Variants in GRAMD2B observed in about 807,000 individuals in gnomAD.
GRAMD2B encodes the protein GRAM domain-containing protein 2B.
In GRAMD2B, 41 loss-of-function variants were observed where a neutral mutation model predicts 59.2. The observed-to-expected ratio is 0.69, with a 90% CI of 0.54 to 0.90. The LOEUF is 0.90. Ranked by LOEUF, GRAMD2B falls within the 40% of genes least tolerant of loss-of-function variation. GRAMD2B has a pLI of 0.00. For missense variants in GRAMD2B, 424 were observed against 500.5 expected, an observed-to-expected ratio of 0.85 and a Z score of 1.46; for synonymous variants, 161 against 182.7, an observed-to-expected ratio of 0.88 and a Z score of 0.96.
chr5:126,428,414 G>A (rs373479331), intron 1 of GRAMD2B, among the ~76,000 whole-genome samples: 5 of 152,122 alleles, frequency 3.3e-5, no homozygotes, highest in African/African-American at 1.2e-4. Context: ...CAATAGAGGA[G>A]TTTTTAAAAA....
At chr5:126,381,132 G>A (rs1242173168) in intron 1 of GRAMD2B, among the ~76,000 whole-genome samples, 1 of 152,096 alleles carries the variant, frequency 6.6e-6, no homozygotes, top group Non-Finnish European at 1.5e-5. Flanking sequence ...TTTGTCAAAT[G>A]CTTTTTCTGC....
chr5:126,380,286 A>G (rs1755554075), intron 1 of GRAMD2B, among the ~76,000 whole-genome samples: 2 of 152,182 alleles, frequency 1.3e-5, no homozygotes, highest in Admixed American at 6.5e-5. Flanking sequence ...TTATACCAGT[A>G]CCATGCTGTT....
chr5:126,463,074 G>C (rs184435825), intron 1 of GRAMD2B, among the ~76,000 whole-genome samples: 1 of 152,326 alleles, frequency 6.6e-6, no homozygotes, highest in East Asian at 1.9e-4. Flanking sequence ...AGATGGGTCA[G>C]GGTCAAAGAG....
intron 1 of GRAMD2B, chr5:126,371,645 G>A: frequency 8.7e-7 from 1 of 1,153,718 alleles, no homozygotes; most frequent in Non-Finnish European, 1.1e-6. Context: ...CCCTTGGAGA[G>A]CTCCTTTTTC....
At chr5:126,449,285 C>A (rs1764897429) in intron 1 of GRAMD2B, among the ~76,000 whole-genome samples, 1 of 152,158 alleles carries the variant, frequency 6.6e-6, no homozygotes, top group African/African-American at 2.4e-5. Context: ...ATTTTAACAG[C>A]AGTGAGGAGC....
intron 2 of GRAMD2B, chr5:126,466,319 C>T: frequency 4.9e-6 from 7 of 1,440,348 alleles, no homozygotes; most frequent in South Asian, 3.7e-5. Flanking sequence ...CAAATCTATG[C>T]TTCATTCAGG....
chr5:126,465,933 G>T (rs1281283211), intron 2 of GRAMD2B, among the ~76,000 whole-genome samples: 1 of 152,160 alleles, frequency 6.6e-6, no homozygotes, highest in Non-Finnish European at 1.5e-5. Context: ...CCCCATCCCG[G>T]GGACCCACCA....
rs1452905351 is a variant in GRAMD2B at position 126,469,666 on chromosome 5, T to A, written c.204-11T>A. ...ATTATCTTATAGACACCCTGGACTTTCTTTCTTTAGGTCAAAATCCAGTTT... is the reference window on the plus strand; with the variant it reads ...ATTATCTTATAGACACCCTGGACTTACTTTCTTTAGGTCAAAATCCAGTTT... On this transcript the variant is annotated splice_polypyrimidine_tract_variant and intron_variant, in intron 2 of 13. Transcript: ENST00000285689. The A allele has an allele frequency of 3.1e-6, 5 of 1,592,020 alleles. No homozygotes were observed. Among genetic ancestry groups the A allele is most frequent in the Non-Finnish European group, 3.4e-6 (4 of 1,161,712 alleles).
intron 1 of GRAMD2B, among the ~76,000 whole-genome samples, chr5:126,443,866 A>G (rs769733282): frequency 1.3e-5 from 2 of 152,154 alleles, no homozygotes; most frequent in Non-Finnish European, 2.9e-5. Flanking sequence ...CCTGGCCAAC[A>G]TAGTGAAACG....
chr5:126,450,232 G>A (rs113761027), intron 1 of GRAMD2B, among the ~76,000 whole-genome samples: 51 of 152,152 alleles, frequency 3.4e-4, no homozygotes, highest in African/African-American at 1.1e-3. Context: ...GGGTGGAGAG[G>A]GGTGCCTCAA....
intron 1 of GRAMD2B, among the ~76,000 whole-genome samples, chr5:126,381,676 G>T (rs1309769021): frequency 3.3e-5 from 5 of 151,972 alleles, no homozygotes; most frequent in African/African-American, 1.2e-4. Context: ...GAGCATTTAG[G>T]CCATTTACAT....
At chr5:126,432,290 G>C (rs1378139640) in intron 1 of GRAMD2B, among the ~76,000 whole-genome samples, 1 of 152,148 alleles carries the variant, frequency 6.6e-6, no homozygotes, top group African/African-American at 2.4e-5. Flanking sequence ...TATATATCAG[G>C]TGTATGATTA....
intron 5 of GRAMD2B, among the ~76,000 whole-genome samples, chr5:126,473,762 A>T (rs1362230255): frequency 1.3e-5 from 2 of 152,198 alleles, no homozygotes; most frequent in Non-Finnish European, 2.9e-5. Flanking sequence ...ATCAATTTTT[A>T]TACCATATTT....
chr5:126,370,098 A>G (rs1754669328), upstream of GRAMD2B, among the ~76,000 whole-genome samples: 1 of 152,248 alleles, frequency 6.6e-6, no homozygotes, highest in Admixed American at 6.5e-5. Context: ...GCTCAGCAGT[A>G]CTAAGGTGAC....
chr5:126,469,257 G>T (rs1769081104), intron 2 of GRAMD2B, among the ~76,000 whole-genome samples: 1 of 152,144 alleles, frequency 6.6e-6, no homozygotes, highest in South Asian at 2.1e-4. Context: ...TATCATGAAT[G>T]ATTTTTGATA....
intron 1 of GRAMD2B, among the ~76,000 whole-genome samples, chr5:126,382,571 T>C (rs1330305963): frequency 1.3e-5 from 2 of 152,166 alleles, no homozygotes; most frequent in Non-Finnish European, 2.9e-5. Flanking sequence ...TATCTGTTTC[T>C]CTGGAGATTT....
rs1580654700 is a variant in GRAMD2B at position 126,360,550 on chromosome 5, G to C, written c.128+91G>C. Reference sequence around the variant, plus strand: ...AGGCCTTTTTGGTATCTTAAGGACAGAGTGTCTCCACATGGAGAATGTCTT... The same window carrying C: ...AGGCCTTTTTGGTATCTTAAGGACACAGTGTCTCCACATGGAGAATGTCTT... On this transcript the variant is annotated intron_variant, in intron 1 of 13. Transcript: ENST00000513040. 5 of 1,254,266 alleles carry C rather than the reference G, an allele frequency of 4.0e-6. No individual in the cohort carries two copies. In the East Asian group the frequency reaches 1.3e-4, roughly 33 times the overall value. The allele number at this position is 1,254,266 out of a possible 1,614,324, so 77.7% of individuals were successfully genotyped here. A position where few individuals can be genotyped will look rare whatever the true frequency, so the allele number is the denominator to read the frequency against.
intron 11 of GRAMD2B, 59 bp downstream of exon 11, chr5:126,485,832 A>C: frequency 3.9e-6 from 4 of 1,035,938 alleles, no homozygotes; most frequent in South Asian, 1.4e-5. Flanking sequence ...CTAAAGGAAT[A>C]ATCTCTTCAC....
At chr5:126,487,117 A>G in intron 12 of GRAMD2B, 140 bp downstream of exon 12, 1 of 598,920 alleles carries the variant, frequency 1.7e-6, no homozygotes, top group East Asian at 2.8e-5. Flanking sequence ...ATATGTGGAA[A>G]GTAAAAAGGT....
Sources: gnomAD v4.1 joint callset for allele counts (sites outside exome capture counted in the v4.1 genomes callset) on GRCh38, gnomAD v4.1.1 for gene constraint, MANE v1.5 for transcripts, NCBI Gene and HGNC (gene_info 2026-07-23, HGNC 2026-07-21) for gene names.